Variants in CORO2B observed in about 807,000 individuals in gnomAD.
CORO2B encodes coronin-2B.
CORO2B carries 26 observed loss-of-function variants against 58.8 expected under a neutral mutation model. That is an observed-to-expected ratio of 0.44 (90% CI 0.32 to 0.61). The LOEUF (loss-of-function observed/expected upper bound fraction) is 0.61. Ranked by LOEUF, CORO2B falls within the 20% of genes least tolerant of loss-of-function variation. The probability of loss-of-function intolerance (pLI) is 0.04; values close to 1 mark genes in which losing one functional copy is unlikely to be tolerated. For synonymous variants in CORO2B, 242 were observed against 253.8 expected, an observed-to-expected ratio of 0.95 and a Z score of 0.44; for missense variants, 460 against 645.1, an observed-to-expected ratio of 0.71 and a Z score of 3.11.
rs775530833 is a variant in CORO2B, at chr15:68,645,291, C to T, written c.147C>T (p.Asn49=). The T allele has an allele frequency of 6.2e-7, 1 of 1,614,176 alleles. No individual in the cohort carries two copies. The highest frequency in any genetic ancestry group is 1.1e-5 in the South Asian group (1 of 91,086). The change falls in exon 2 of 12, where the codon AAC becomes AAT. Residue 49 remains asparagine (N), a synonymous_variant. Coordinates refer to ENST00000261861, the MANE Select transcript of CORO2B (RefSeq NM_006091.5). The surrounding 1 kb of genome is among the most constrained non-coding windows in gnomAD (Gnocchi z 4.5). The part of the protein sequence containing the change: ...NVHDNHFCAV[N]TRFLAIVTES... ...ACGACAACCACTTCTGTGCCGTCAACACCCGCTTCCTGGCCATCGTCACCG... is the reference window on the plus strand; with the variant it reads ...ACGACAACCACTTCTGTGCCGTCAATACCCGCTTCCTGGCCATCGTCACCG...
intron 1 of CORO2B, among the ~76,000 whole-genome samples, chr15:68,611,807 T>A (rs538579141): frequency 2.2e-4 from 34 of 151,944 alleles, no homozygotes; most frequent in Admixed American, 1.9e-3. Context: ...GATCTTACTC[T>A]GTCACCCAGG....
At chr15:68,562,548 G>A in the CORO2B span, among the ~76,000 whole-genome samples, 1 of 152,094 alleles carries the variant, frequency 6.6e-6, no homozygotes, top group South Asian at 2.1e-4. Flanking sequence ...ATAATTTTTA[G>A]TACAAAGGAA....
the CORO2B span, among the ~76,000 whole-genome samples, chr15:68,543,912 C>T: frequency 5.9e-5 from 9 of 152,294 alleles, no homozygotes; most frequent in South Asian, 1.2e-3. Flanking sequence ...CAGGAAGCCC[C>T]GCCATGACTC....
intron 1 of CORO2B, among the ~76,000 whole-genome samples, chr15:68,636,099 A>G (rs896194425): frequency 2.0e-5 from 3 of 152,140 alleles, no homozygotes; most frequent in East Asian, 3.8e-4. Flanking sequence ...AATTGTACCT[A>G]TTTCTCAGGG....
the CORO2B span, among the ~76,000 whole-genome samples, chr15:68,541,288 C>T: frequency 6.6e-6 from 1 of 151,676 alleles, no homozygotes; most frequent in Non-Finnish European, 1.5e-5. Flanking sequence ...TAACTAAGGA[C>T]CATAATGTGA....
Position 68,645,042 on chromosome 15 carries a change from C to A in CORO2B, c.16-118C>A. On this transcript the variant is annotated intron_variant, in intron 1 of 11. Coordinates refer to ENST00000261861, the MANE Select transcript of CORO2B (RefSeq NM_006091.5). This position sits in a 1 kb window ranked among gnomAD's most constrained non-coding sequence, Gnocchi z 4.5. The stretch of plus-strand genomic sequence containing the variant: ...TTTCCATCTCTTCCTGACAGGGGAC[C>A]CAGGGCCTGCTCACCTGCTGCACCT... The A allele has an allele frequency of 9.9e-7, 1 of 1,005,948 alleles. No homozygotes were observed. Among genetic ancestry groups the A allele is most frequent in the South Asian group, 1.6e-5 (1 of 61,646 alleles). 62.3% of individuals were successfully genotyped at this position (1,005,948 alleles called of 1,614,324 possible). A position where few individuals can be genotyped will look rare whatever the true frequency, so the allele number is the denominator to read the frequency against.
intron 1 of CORO2B, among the ~76,000 whole-genome samples, chr15:68,624,989 G>GT (rs1293551229): frequency 6.6e-6 from 1 of 152,178 alleles, no homozygotes; most frequent in Non-Finnish European, 1.5e-5. Flanking sequence ...CCATGTCTCT[G>GT]TTTTTAACTC....
chr15:68,713,893 C>T, intron 5 of CORO2B, 32 bp from the exon 6 acceptor site: 1 of 1,528,522 alleles, frequency 6.5e-7, no homozygotes, highest in Non-Finnish European at 9.1e-7. Context: ...TGTTGGGGAC[C>T]CTGGCTCACC....
At chr15:68,521,737 A>G in the CORO2B span, among the ~76,000 whole-genome samples, 1 of 151,120 alleles carries the variant, frequency 6.6e-6, no homozygotes, top group Non-Finnish European at 1.5e-5. Context: ...TCTTTTCACT[A>G]TATACTTCTT....
chr15:68,673,402 C>T (rs879475098), intron 2 of CORO2B, among the ~76,000 whole-genome samples: 1 of 151,992 alleles, frequency 6.6e-6, no homozygotes, highest in Non-Finnish European at 1.5e-5. Flanking sequence ...TGCCTGAGTC[C>T]GGCTACTTGG....
At chr15:68,560,799 C>G in the CORO2B span, among the ~76,000 whole-genome samples, 8 of 152,318 alleles carry the variant, frequency 5.3e-5, no homozygotes, top group Admixed American at 1.3e-4. Context: ...TAGGCATAAG[C>G]CAGTGATCTT....
At chr15:68,592,143 A>C (rs1364001088) in intron 1 of CORO2B, among the ~76,000 whole-genome samples, 1 of 151,400 alleles carries the variant, frequency 6.6e-6, no homozygotes, top group Non-Finnish European at 1.5e-5. Context: ...CCACACATCC[A>C]CTCCAGACTG....
At chr15:68,647,427 C>T (rs1432316437) in intron 2 of CORO2B, among the ~76,000 whole-genome samples, 1 of 152,192 alleles carries the variant, frequency 6.6e-6, no homozygotes, top group Non-Finnish European at 1.5e-5. Context: ...CGGTGGCTCA[C>T]GTCTGTAATC....
At chr15:68,716,944 A>G (rs565095565) in intron 8 of CORO2B, among the ~76,000 whole-genome samples, 1 of 152,090 alleles carries the variant, frequency 6.6e-6, no homozygotes, top group Non-Finnish European at 1.5e-5. Flanking sequence ...GGAAATCATT[A>G]TGGGGAGGGT....
In CORO2B at chr15:68,594,369, A is replaced by G. The variant is rs903120745; in HGVS notation, c.15+15092A>G. On this transcript the variant is annotated intron_variant, in intron 1 of 11. Coordinates refer to ENST00000261861, the MANE Select transcript of CORO2B (RefSeq NM_006091.5). ...TCTAGGAACAGCAAGCTGTGGGTGG[A>G]TGGGTAGGTGGAGGCGCTTTTGGTA... 5.3e-5 allele frequency among the ~76,000 whole-genome samples: 8 copies of G among 152,296 alleles called. No individual in the cohort carries two copies. The South Asian group carries it at 8.3e-4, about 16-fold the overall frequency.
At chr15:68,545,605 CG>C in the CORO2B span, among the ~76,000 whole-genome samples, 14 of 68,866 alleles carry the variant, frequency 2.0e-4, no homozygotes, top group East Asian at 1.4e-3. Context: ...AACAGGAATG[CG>C]GGGGGCGGGG....
rs368114456 is a variant in CORO2B, at chr15:68,623,558, A to G, written c.16-21602A>G. ...AGCCTCTCCCGCCCTGCATGTAAACAGAGGCTGGAGGACCAGGAGTCATCT... is the reference window on the plus strand; with the variant it reads ...AGCCTCTCCCGCCCTGCATGTAAACGGAGGCTGGAGGACCAGGAGTCATCT... On this transcript the variant is annotated intron_variant, in intron 1 of 11. Coordinates refer to ENST00000261861, the MANE Select transcript of CORO2B (RefSeq NM_006091.5). Among the ~76,000 whole-genome samples, 343 of 151,804 alleles carry G rather than the reference A, an allele frequency of 2.3e-3. 14 individuals carry two copies. In the South Asian group the frequency reaches 0.07, roughly 31 times the overall value.
At chr15:68,599,238 C>T (rs1401982594) in intron 1 of CORO2B, among the ~76,000 whole-genome samples, 1 of 152,182 alleles carries the variant, frequency 6.6e-6, no homozygotes, top group Non-Finnish European at 1.5e-5. Flanking sequence ...TCTCCTTGCT[C>T]CAAACTCTAT....
the CORO2B span, among the ~76,000 whole-genome samples, chr15:68,530,564 G>C: frequency 6.6e-6 from 1 of 152,058 alleles, no homozygotes; most frequent in Non-Finnish European, 1.5e-5. Context: ...GAGGGGTATG[G>C]AAATCTCCAA....
Sources: allele counts gnomAD v4.1 joint callset (sites outside exome capture counted in the v4.1 genomes callset), GRCh38; gene constraint gnomAD v4.1.1; non-coding constraint Gnocchi (gnomAD v3.1); transcripts MANE v1.5; gene names NCBI Gene and HGNC (gene_info 2026-07-23, HGNC 2026-07-21).